Variants in DOCK9 observed in about 807,000 individuals in gnomAD.
The protein encoded by DOCK9 is dedicator of cytokinesis 9, also known as dedicator of cytokinesis protein 9.
Under a neutral mutation model 263.3 loss-of-function variants are expected in DOCK9, and 89 were observed. That is an observed-to-expected ratio of 0.34 (90% CI 0.28 to 0.40). The LOEUF is 0.40. Among genes scored for constraint, DOCK9 ranks in the 10% least tolerant of loss-of-function variants. The probability of loss-of-function intolerance (pLI) is 1.00; values close to 1 mark genes in which losing one functional copy is unlikely to be tolerated. For synonymous variants in DOCK9, 976 were observed against 973.1 expected, an observed-to-expected ratio of 1.00 and a Z score of -0.06; for missense variants, 2,140 against 2,603.4, an observed-to-expected ratio of 0.82 and a Z score of 3.87.
chr13:98,881,928 C>A lies in DOCK9; in HGVS notation c.2639G>T (p.Arg880Ile). 1 of 1,595,962 alleles carries A rather than the reference C, an allele frequency of 6.3e-7. No homozygotes were observed. The highest frequency in any genetic ancestry group is 8.5e-7 in the Non-Finnish European group (1 of 1,171,232). Reference protein sequence around the residue: ...ILNQLFRVLTRATQEEVAVNV... With the variant: ...ILNQLFRVLTIATQEEVAVNV... Reference sequence around the variant, plus strand: ...AACCGCGACTTCTTCCTGTGTGGCTCTGGTGAGGACTCGGAACAGCTGGTT... The same window carrying A: ...AACCGCGACTTCTTCCTGTGTGGCTATGGTGAGGACTCGGAACAGCTGGTT... Residue 880 changes from arginine (R) to isoleucine (I), a missense_variant, in exon 24 of 53, where the codon AGA (arginine) becomes ATA (isoleucine). Coordinates refer to ENST00000682017, the MANE Select transcript of DOCK9 (RefSeq NM_001366683.2).
chr13:99,060,494 G>T (rs983315294), intron 1 of DOCK9, among the ~76,000 whole-genome samples: 2 of 152,168 alleles, frequency 1.3e-5, no homozygotes, highest in South Asian at 2.1e-4. Flanking sequence ...GGAACTGCTG[G>T]GTCATAGAAC....
chr13:98,805,309 C>T (rs766753157), intron 48 of DOCK9, 100 bp from the exon 49 acceptor site: 89 of 1,034,558 alleles, frequency 8.6e-5, no homozygotes, highest in Middle Eastern at 8.1e-4. Flanking sequence ...GTAAATATAA[C>T]GGAGAGAAGA....
intron 45 of DOCK9, among the ~76,000 whole-genome samples, chr13:98,821,813 T>C (rs2092291594): frequency 6.6e-6 from 1 of 152,216 alleles, no homozygotes; most frequent in Non-Finnish European, 1.5e-5. Context: ...TTAGGTAGCG[T>C]CCCTTAAAGT....
rs369007205 is a variant in DOCK9 at position 98,853,571 on chromosome 13, C to T, written c.3832-49G>A. The T allele has an allele frequency of 2.3e-5, 31 of 1,328,012 alleles. No individual in the cohort carries two copies. In the African/African-American group the frequency reaches 3.2e-4, roughly 14 times the overall value. The allele number at this position is 1,328,012 out of a possible 1,614,324, so 82.3% of individuals were successfully genotyped here. Reference sequence around the variant, plus strand: ...TTTCTATTTAATTACGGGAGGAAAACGTGTTTCCCTTTTCTCCCTTGGAAG... The same window carrying T: ...TTTCTATTTAATTACGGGAGGAAAATGTGTTTCCCTTTTCTCCCTTGGAAG... On this transcript the variant is annotated intron_variant, in intron 34 of 52. Coordinates refer to ENST00000682017, the MANE Select transcript of DOCK9 (RefSeq NM_001366683.2).
At chr13:98,845,247 G>A (rs184911035) in intron 38 of DOCK9, 3 of 995,904 alleles carry the variant, frequency 3.0e-6, no homozygotes, top group South Asian at 1.4e-5. Flanking sequence ...CCCAAAGTTA[G>A]GAAGGCAAGA....
intron 30 of DOCK9, 109 bp from the exon 31 acceptor site, chr13:98,863,657 C>G: frequency 8.6e-7 from 1 of 1,166,814 alleles, no homozygotes; most frequent in Non-Finnish European, 1.2e-6. Context: ...TGCATTCAGC[C>G]CACCCTGGGT....
At chr13:99,040,122 A>G (rs1362045540) in intron 1 of DOCK9, among the ~76,000 whole-genome samples, 2 of 152,168 alleles carry the variant, frequency 1.3e-5, no homozygotes. Flanking sequence ...TGCCCTTATA[A>G]GAAAAGGCAA....
At chr13:98,806,497 T>A (rs958120335) in intron 48 of DOCK9, among the ~76,000 whole-genome samples, 2 of 152,216 alleles carry the variant, frequency 1.3e-5, no homozygotes, top group South Asian at 2.1e-4. Context: ...ACCATACTGG[T>A]ATAAGGCAGG....
chr13:98,800,806 A>C (rs1315632152), intron 49 of DOCK9, among the ~76,000 whole-genome samples: 1 of 152,204 alleles, frequency 6.6e-6, no homozygotes, highest in Non-Finnish European at 1.5e-5. Context: ...AGTGGATATA[A>C]GATGACTTTG....
intron 1 of DOCK9, among the ~76,000 whole-genome samples, chr13:98,997,206 A>C (rs1234735312): frequency 2.6e-5 from 4 of 152,252 alleles, no homozygotes; most frequent in Non-Finnish European, 5.9e-5. Context: ...CTGCAGGCCC[A>C]CACGTCTCAG....
At chr13:98,999,023 G>A (rs575828853) in intron 1 of DOCK9, among the ~76,000 whole-genome samples, 15 of 152,264 alleles carry the variant, frequency 9.9e-5, no homozygotes, top group African/African-American at 3.1e-4. Context: ...AGATAACAGG[G>A]TGACAGGAAG....
chr13:98,889,578 A>T lies in DOCK9; in HGVS notation c.1710-867T>A, dbSNP rs538280980. ...TCCTGACAAGTGCTGCTACTGCCTC[A>T]CCCTTCCTAGTGACAATGAGACTTC... On this transcript the variant is annotated intron_variant, in intron 15 of 52. Coordinates refer to ENST00000682017, the MANE Select transcript of DOCK9 (RefSeq NM_001366683.2). 2.4e-4 allele frequency among the ~76,000 whole-genome samples: 37 copies of T among 152,186 alleles called. 1 individual carries two copies. The highest frequency in any genetic ancestry group is 4.6e-4 in the Admixed American group (7 of 15,288).
At chr13:99,020,819 G>A (rs1886004604) in intron 1 of DOCK9, among the ~76,000 whole-genome samples, 1 of 152,168 alleles carries the variant, frequency 6.6e-6, no homozygotes, top group Non-Finnish European at 1.5e-5. Flanking sequence ...GGAAAGGAGA[G>A]GAATTCTCTC....
At chr13:99,082,244 G>A (rs989009137) in intron 1 of DOCK9, among the ~76,000 whole-genome samples, 24 of 149,908 alleles carry the variant, frequency 1.6e-4, no homozygotes, top group Admixed American at 1.5e-3. Context: ...AAGGCCGGGC[G>A]CAGTGGCTCA....
intron 1 of DOCK9, among the ~76,000 whole-genome samples, chr13:99,080,004 C>T (rs530283042): frequency 6.6e-6 from 1 of 152,312 alleles, no homozygotes; most frequent in Admixed American, 6.5e-5. Flanking sequence ...TGCACCACTG[C>T]ACTCCAGCCT....
At chr13:98,838,049 G>T (rs1307325795) in intron 38 of DOCK9, among the ~76,000 whole-genome samples, 1 of 152,198 alleles carries the variant, frequency 6.6e-6, no homozygotes, top group Non-Finnish European at 1.5e-5. Flanking sequence ...CTTGGACCAA[G>T]ACAGGCATTG....
chr13:98,940,116 C>G (rs903623465), intron 2 of DOCK9, among the ~76,000 whole-genome samples: 1 of 152,160 alleles, frequency 6.6e-6, no homozygotes, highest in African/African-American at 2.4e-5. Context: ...GGATTCAGTA[C>G]CAAGCTAGAC....
chr13:98,974,119 A>G (rs1349506604), intron 1 of DOCK9, among the ~76,000 whole-genome samples: 1 of 152,180 alleles, frequency 6.6e-6, no homozygotes, highest in Admixed American at 6.5e-5. Context: ...TTGAGCAGTA[A>G]CAATTAGAAT....
intron 33 of DOCK9, chr13:98,860,130 A>G (rs2093818572): frequency 7.8e-7 from 1 of 1,276,506 alleles, no homozygotes; most frequent in Non-Finnish European, 1.0e-6. Flanking sequence ...TAAGATTTAA[A>G]ATGAAAACTC....
Sources: allele counts gnomAD v4.1 joint callset (sites outside exome capture counted in the v4.1 genomes callset), GRCh38; gene constraint gnomAD v4.1.1; transcripts MANE v1.5; gene names NCBI Gene and HGNC (gene_info 2026-07-23, HGNC 2026-07-21).